The following ST3GAL5 variants were observed in gnomAD, a reference collection of about 807,000 sequenced individuals.
The protein encoded by ST3GAL5 is lactosylceramide alpha-2,3-sialyltransferase.
In ST3GAL5, 25 loss-of-function variants were observed where a neutral mutation model predicts 46.1. The observed-to-expected ratio is 0.54, with a 90% CI of 0.40 to 0.76. ST3GAL5 has a LOEUF of 0.76. ST3GAL5 is among the 30% of genes least tolerant of loss of function. ST3GAL5 has a pLI of 0.00. For synonymous variants in ST3GAL5, 182 were observed against 192.7 expected, an observed-to-expected ratio of 0.94 and a Z score of 0.46; for missense variants, 431 against 521.2, an observed-to-expected ratio of 0.83 and a Z score of 1.69.
In ST3GAL5 at chr2:85,867,747, A is replaced by T; in HGVS notation, c.83-4262T>A. 3 of 738,890 alleles carry T rather than the reference A, an allele frequency of 4.1e-6. No individual in the cohort carries two copies. The South Asian group carries it at 4.3e-5, about 11-fold the overall frequency. The allele number at this position is 738,890 out of a possible 1,614,324, so 45.8% of individuals were successfully genotyped here. A position where few individuals can be genotyped will look rare whatever the true frequency, so the allele number is the denominator to read the frequency against. ...GGACATTGACATCCAACCCTCAGGA[A>T]AATGCAAGAATTTGCCGAAGGGCAG... On this transcript the variant is annotated intron_variant, in intron 1 of 6. Transcript: ENST00000638572.
chr2:85,886,815 T>G (rs1194894003), intron 1 of ST3GAL5, among the ~76,000 whole-genome samples: 2 of 152,190 alleles, frequency 1.3e-5, no homozygotes, highest in Admixed American at 1.3e-4. Flanking sequence ...AGCCCTTGCT[T>G]TTCCTTCCTC....
intron 3 of ST3GAL5, chr2:85,850,465 T>C (rs1683355100): frequency 6.6e-6 from 1 of 152,260 alleles, no homozygotes; most frequent in Admixed American, 6.5e-5. Context: ...GAATCTGCCT[T>C]GACCCTGAGC....
intron 1 of ST3GAL5, among the ~76,000 whole-genome samples, chr2:85,865,017 T>C (rs1685142602): frequency 1.3e-5 from 2 of 152,136 alleles, no homozygotes; most frequent in Non-Finnish European, 2.9e-5. Flanking sequence ...AGGACATTAC[T>C]CAAGGATGGT....
At chr2:85,875,715 A>C (rs1192243977) in intron 1 of ST3GAL5, among the ~76,000 whole-genome samples, 1 of 152,172 alleles carries the variant, frequency 6.6e-6, no homozygotes, top group African/African-American at 2.4e-5. Flanking sequence ...GAGAAAACAG[A>C]GTGGAGGTTG....
intron 1 of ST3GAL5, chr2:85,867,539 C>G: frequency 1.3e-6 from 1 of 779,010 alleles, no homozygotes; most frequent in Admixed American, 1.7e-5. Flanking sequence ...CAAACCCACC[C>G]CCAAAGGCCA....
chr2:85,852,573 G>A (rs6547634), intron 3 of ST3GAL5, among the ~76,000 whole-genome samples: 1 of 151,060 alleles, frequency 6.6e-6, no homozygotes. Flanking sequence ...CTGGGGTGGG[G>A]TTGAGGGTGG....
chr2:85,867,567 T>C (rs769394926), intron 1 of ST3GAL5: 1 of 780,844 alleles, frequency 1.3e-6, no homozygotes, highest in Admixed American at 1.7e-5. Flanking sequence ...GGCTGACGAA[T>C]CCAGTTTCTC....
At chr2:85,862,662 C>T (rs575644737) in intron 2 of ST3GAL5, among the ~76,000 whole-genome samples, 3 of 152,272 alleles carry the variant, frequency 2.0e-5, no homozygotes, top group Admixed American at 6.5e-5. Context: ...CCCAGCATGA[C>T]GTCATGAACG....
rs1198441471 is a variant in ST3GAL5, at chr2:85,838,798, G to A, written c.*1346C>T. The A allele has an allele frequency of 6.6e-6, 1 of 152,480 alleles. No individual in the cohort carries two copies. The highest frequency in any genetic ancestry group is 1.9e-4 in the East Asian group (1 of 5,198). 9.4% of individuals were successfully genotyped at this position (152,480 alleles called of 1,614,324 possible). On this transcript the variant is annotated 3_prime_UTR_variant, in exon 7 of 7. Coordinates refer to ENST00000638572, the MANE Select transcript of ST3GAL5 (RefSeq NM_003896.4). ...TTGCAGGAAGGGAAAGTGGAGGCAG[G>A]TAGCATTAGTGACAAGAGCAGCCAC... is the stretch of plus-strand genomic sequence containing the variant.
At position 85,847,896 on chromosome 2, in the gene ST3GAL5, C is replaced by A; in HGVS notation, c.627G>T (p.Leu209=). ...CATCGAACTGGTTCAGGGTGTGGCC[C>A]AGTTCTAATCCGTGCAGTATTCCTC... ...GSGGILHGLE[L]GHTLNQFDVV... is the part of the protein sequence containing the mutation. The change falls in exon 4 of 7, where the codon CTG becomes CTT. Residue 209 remains leucine, a synonymous_variant. Transcript: ENST00000638572. The A allele has an allele frequency of 6.2e-7, 1 of 1,614,054 alleles. No homozygotes were observed. The highest frequency in any genetic ancestry group is 1.1e-5 in the South Asian group (1 of 91,074).
chr2:85,863,260 C>G, intron 2 of ST3GAL5, 102 bp downstream of exon 2: 1 of 1,602,962 alleles, frequency 6.2e-7, no homozygotes, highest in Non-Finnish European at 8.5e-7. Context: ...AAGCATGCCT[C>G]TCCAACATTA....
intron 1 of ST3GAL5, among the ~76,000 whole-genome samples, chr2:85,886,603 A>G (rs1177254078): frequency 2.6e-5 from 4 of 152,090 alleles, no homozygotes; most frequent in Middle Eastern, 6.8e-3. Flanking sequence ...CAAGCCTGGT[A>G]GTGTCCTTGA....
chr2:85,870,863 G>C (rs1308026983), intron 1 of ST3GAL5, among the ~76,000 whole-genome samples: 1 of 151,826 alleles, frequency 6.6e-6, no homozygotes, highest in African/African-American at 2.4e-5. Flanking sequence ...TTTCAGTAGA[G>C]ACAGGGTTTC....
chr2:85,856,612 T>C (rs1433366431), intron 3 of ST3GAL5, among the ~76,000 whole-genome samples: 1 of 151,984 alleles, frequency 6.6e-6, no homozygotes, highest in Non-Finnish European at 1.5e-5. Context: ...TTCTGTTTTA[T>C]GGGCTGGAGT....
chr2:85,848,367 A>G, intron 3 of ST3GAL5, 163 bp from the exon 4 acceptor site: 1 of 1,554,798 alleles, frequency 6.4e-7, no homozygotes, highest in Non-Finnish European at 8.7e-7. Context: ...TGGCTCAGAA[A>G]CTTGAAGAAA....
rs1681847203 is a variant in ST3GAL5, at chr2:85,840,204, T to TA, written c.1196dup (p.Leu399PhefsTer17). ...TCACCACTCCCTCTTTGACCAGCTT[T>TA]AAGAGGAACTTGGTTTCCGTTGTCA... On this transcript the variant is annotated frameshift_variant, in exon 7 of 7. Coordinates refer to ENST00000638572, the MANE Select transcript of ST3GAL5 (RefSeq NM_003896.4). LOFTEE classifies it high-confidence loss of function. The TA allele has an allele frequency of 6.2e-7, 1 of 1,614,106 alleles. No homozygotes were observed. The highest frequency in any genetic ancestry group is 1.7e-5 in the Admixed American group (1 of 60,006).
chr2:85,882,154 C>T (rs1266331342), intron 1 of ST3GAL5, among the ~76,000 whole-genome samples: 1 of 152,240 alleles, frequency 6.6e-6, no homozygotes, highest in East Asian at 1.9e-4. Flanking sequence ...GCCTAGATTT[C>T]AGAAGATGTA....
chr2:85,875,761 G>A (rs1686479641), intron 1 of ST3GAL5, among the ~76,000 whole-genome samples: 1 of 152,148 alleles, frequency 6.6e-6, no homozygotes, highest in South Asian at 2.1e-4. Flanking sequence ...GAACTGGAAG[G>A]AAAAGACAGG....
chr2:85,882,664 AC>A (rs1687290517), intron 1 of ST3GAL5, among the ~76,000 whole-genome samples: 1 of 114,238 alleles, frequency 8.8e-6, no homozygotes, highest in Non-Finnish European at 1.8e-5. Flanking sequence ...CCCCATCTCT[AC>A]TAAAAATACA....
Sources: gnomAD v4.1 joint callset for allele counts (sites outside exome capture counted in the v4.1 genomes callset) on GRCh38, gnomAD v4.1.1 for gene constraint, MANE v1.5 for transcripts, NCBI Gene and HGNC (gene_info 2026-07-23, HGNC 2026-07-21) for gene names.